The following RERE variants were observed in gnomAD, a reference collection of about 807,000 sequenced individuals.
RERE encodes arginine-glutamic acid dipeptide repeats.
Under a neutral mutation model 146.1 loss-of-function variants are expected in RERE, and 40 were observed. That is an observed-to-expected ratio of 0.27 (90% CI 0.21 to 0.36). RERE has a LOEUF of 0.36. RERE is among the 10% of genes least tolerant of loss of function. RERE has a pLI of 1.00. For missense variants in RERE, 1,933 were observed against 2,138.7 expected, an observed-to-expected ratio of 0.90 and a Z score of 1.90; for synonymous variants, 1,003 against 866.0, an observed-to-expected ratio of 1.16 and a Z score of -2.78.
chr1:8,370,792 C>A (rs1436452585), intron 12 of RERE, among the ~76,000 whole-genome samples: 12 of 152,156 alleles, frequency 7.9e-5, no homozygotes, highest in Non-Finnish European at 2.9e-5. Context: ...GCTGCAGAGA[C>A]CCGCTGCACA....
chr1:8,413,023 C>T (rs560739144), intron 12 of RERE, among the ~76,000 whole-genome samples: 14 of 152,148 alleles, frequency 9.2e-5, no homozygotes, highest in African/African-American at 1.4e-4. Flanking sequence ...GGAAAATGTT[C>T]GTTTAAAAAC....
chr1:8,682,341 C>A (rs991087427), intron 1 of RERE, among the ~76,000 whole-genome samples: 3 of 152,168 alleles, frequency 2.0e-5, no homozygotes, highest in African/African-American at 7.2e-5. Context: ...CAATATAAAT[C>A]TCTTTATCAA....
chr1:8,360,138 G>A lies in RERE; in HGVS notation c.3369C>T (p.Thr1123=), dbSNP rs763576031. The A allele has an allele frequency of 2.5e-6, 4 of 1,589,598 alleles. No individual in the cohort carries two copies. In the South Asian group the frequency reaches 3.4e-5, roughly 14 times the overall value. The part of the protein sequence containing the change: ...SPSPEPTVVD[T]PSHASQSARF... ...TAGCTGACTGGCTGGCGTGACTGGG[G>A]GTGTCCACCACAGTGGGCTCCGGGG... The change falls in exon 18 of 23, where the codon ACC becomes ACT. Residue 1123 remains threonine (T), a synonymous_variant. Coordinates refer to ENST00000400908, the MANE Select transcript of RERE (RefSeq NM_001042681.2).
intron 6 of RERE, among the ~76,000 whole-genome samples, chr1:8,544,595 A>G (rs1257643724): frequency 2.6e-5 from 4 of 152,206 alleles, no homozygotes; most frequent in Admixed American, 1.3e-4. Context: ...TAGTGAGAGA[A>G]ACCTGAACAG....
intron 4 of RERE, among the ~76,000 whole-genome samples, chr1:8,607,086 C>T (rs1271830227): frequency 2.0e-5 from 3 of 152,120 alleles, no homozygotes; most frequent in East Asian, 1.9e-4. Context: ...GCCGGCCAGA[C>T]GCAGTGGCTC....
chr1:8,712,904 GTTTGT>G (rs1050780246), intron 1 of RERE, among the ~76,000 whole-genome samples: 4 of 152,096 alleles, frequency 2.6e-5, no homozygotes, highest in Non-Finnish European at 4.4e-5. Flanking sequence ...GTTGAGAAAT[GTTTGT>G]TTTAACAGCC....
chr1:8,585,452 A>T (rs1646415927), intron 4 of RERE, among the ~76,000 whole-genome samples: 1 of 152,208 alleles, frequency 6.6e-6, no homozygotes, highest in East Asian at 1.9e-4. Flanking sequence ...AATGTTCTAG[A>T]TTATGCTCTT....
chr1:8,678,416 C>T (rs557698688), intron 1 of RERE, among the ~76,000 whole-genome samples: 71 of 151,510 alleles, frequency 4.7e-4, no homozygotes, highest in Admixed American at 2.4e-3. Context: ...GAGGCCAAGG[C>T]GGGCAATCCC....
At position 8,638,783 on chromosome 1, in the gene RERE, ATTTTTTTTTT is replaced by A. The variant is rs34276909; in HGVS notation, c.326-14413_326-14404del. 8.3e-3 allele frequency among the ~76,000 whole-genome samples: 832 copies of A among 100,374 alleles called. 7 individuals are homozygous for A. Among genetic ancestry groups the A allele is most frequent in the African/African-American group, 0.033 (796 of 23,898 alleles). 65.8% of individuals were successfully genotyped at this position (100,374 alleles called of 152,430 possible). On this transcript the variant is annotated intron_variant, in intron 2 of 22. Coordinates refer to ENST00000400908, the MANE Select transcript of RERE (RefSeq NM_001042681.2). ...GAAGGAAACTCATAGACGAAAAAAA[ATTTTTTTTTT>A]TTTTTTTTTTTTTTTGAGATGGAGT...
intron 4 of RERE, among the ~76,000 whole-genome samples, chr1:8,599,143 G>A (rs1470452786): frequency 1.3e-5 from 2 of 152,180 alleles, no homozygotes; most frequent in African/African-American, 4.8e-5. Context: ...ACTACACTGG[G>A]ATGAGACACA....
chr1:8,593,774 A>G (rs1646522797), intron 4 of RERE, among the ~76,000 whole-genome samples: 1 of 152,336 alleles, frequency 6.6e-6, no homozygotes, highest in East Asian at 1.9e-4. Context: ...GTGGACTGGT[A>G]GCAAACAGTC....
At chr1:8,551,520 G>A (rs536330668) in intron 6 of RERE, among the ~76,000 whole-genome samples, 1 of 152,260 alleles carries the variant, frequency 6.6e-6, no homozygotes, top group South Asian at 2.1e-4. Context: ...CAGAGAAATA[G>A]TAAAATAAGT....
At chr1:8,501,159 G>C (rs183950302) in intron 8 of RERE, among the ~76,000 whole-genome samples, 420 of 105,564 alleles carry the variant, frequency 4.0e-3, no homozygotes, top group African/African-American at 9.7e-3. Context: ...CGTCCGGGAG[G>C]GGGGGTCAGC....
chr1:8,364,815 C>A lies in RERE; in HGVS notation c.1471G>T (p.Asp491Tyr). 1 of 1,605,986 alleles carries A rather than the reference C, an allele frequency of 6.2e-7. No homozygotes were observed. Among genetic ancestry groups the A allele is most frequent in the Non-Finnish European group, 8.5e-7 (1 of 1,177,162 alleles). Residue 491 changes from aspartate to tyrosine, a missense_variant, in exon 14 of 23, where the codon GAT becomes TAT. By Grantham distance (160) the Asp-to-Tyr change is radical (BLOSUM62 -3). Transcript: ENST00000400908. This position sits in a 1 kb window ranked among gnomAD's most constrained non-coding sequence, Gnocchi z 5.1. ...EFLDLSSASEDDFDSEDSEQE... is the reference protein window; with the variant it reads ...EFLDLSSASEYDFDSEDSEQE... ...TCACTGTCCTCACTGTCGAAGTCAT[C>A]TTCACTGGCTGAACTTAGGTCCACT...
At chr1:8,809,428 T>C (rs917218729) in intron 1 of RERE, among the ~76,000 whole-genome samples, 1 of 152,214 alleles carries the variant, frequency 6.6e-6, no homozygotes, top group East Asian at 1.9e-4. Flanking sequence ...TAGGCAGGAA[T>C]GCAACCTATA....
chr1:8,743,475 C>G (rs1246064001), intron 1 of RERE, among the ~76,000 whole-genome samples: 1 of 150,202 alleles, frequency 6.7e-6, no homozygotes, highest in African/African-American at 2.4e-5. Context: ...ACCATGTTGG[C>G]CAGGCTGGTC....
chr1:8,679,290 A>G (rs1417555842), intron 1 of RERE, among the ~76,000 whole-genome samples: 1 of 152,228 alleles, frequency 6.6e-6, no homozygotes, highest in East Asian at 1.9e-4. Context: ...CTTCTTAGGA[A>G]AGACAGTGAG....
intron 10 of RERE, among the ~76,000 whole-genome samples, chr1:8,479,332 A>T (rs949148443): frequency 6.6e-6 from 1 of 151,830 alleles, no homozygotes; most frequent in African/African-American, 2.4e-5. Flanking sequence ...TTTCAAAATA[A>T]GTAATATATT....
chr1:8,394,973 T>C (rs1557608352), intron 12 of RERE, among the ~76,000 whole-genome samples: 1 of 152,086 alleles, frequency 6.6e-6, no homozygotes, highest in African/African-American at 2.4e-5. Flanking sequence ...TGTTGAGTGG[T>C]TGAGTGAGTA....
Sources: allele counts gnomAD v4.1 joint callset (sites outside exome capture counted in the v4.1 genomes callset), GRCh38; gene constraint gnomAD v4.1.1; non-coding constraint Gnocchi (gnomAD v3.1); transcripts MANE v1.5; gene names NCBI Gene and HGNC (gene_info 2026-07-23, HGNC 2026-07-21).